Variants in PALM2AKAP2 observed in about 807,000 individuals in gnomAD.
PALM2AKAP2 encodes the protein PALM2-AKAP2 fusion protein.
Under a neutral mutation model 71.5 loss-of-function variants are expected in PALM2AKAP2, and 37 were observed. That is an observed-to-expected ratio of 0.52 (90% confidence interval 0.40 to 0.68). The LOEUF (loss-of-function observed/expected upper bound fraction) is 0.68. Among genes scored for constraint, PALM2AKAP2 ranks in the 30% least tolerant of loss-of-function variants. The probability of loss-of-function intolerance (pLI) is 0.00; values close to 1 mark genes in which losing one functional copy is unlikely to be tolerated. For missense variants in PALM2AKAP2, 1,224 were observed against 1,191.8 expected (o/e 1.03, Z -0.40); for synonymous variants, 468 against 478.8 (o/e 0.98, Z 0.29).
intron 1 of PALM2AKAP2, among the ~76,000 whole-genome samples, chr9:110,092,194 T>C (rs1834729826): frequency 6.6e-6 from 1 of 152,126 alleles, no homozygotes; most frequent in African/African-American, 2.4e-5. Flanking sequence ...TAGCCAGGTG[T>C]GGTGGTGCAT....
intron 1 of PALM2AKAP2, among the ~76,000 whole-genome samples, chr9:109,712,368 A>G (rs1245802509): frequency 6.6e-6 from 1 of 152,208 alleles, no homozygotes; most frequent in Non-Finnish European, 1.5e-5. Context: ...ACGTTTCAAC[A>G]TATTTCTTTT....
chr9:109,661,850 G>C (rs1447113988), intron 1 of PALM2AKAP2, among the ~76,000 whole-genome samples: 2 of 152,120 alleles, frequency 1.3e-5, no homozygotes, highest in Non-Finnish European at 2.9e-5. Context: ...GTTGAGCAGT[G>C]GTTTGTAATT....
At chr9:110,152,980 G>A (rs765877845) in intron 2 of PALM2AKAP2, among the ~76,000 whole-genome samples, 2 of 152,068 alleles carry the variant, frequency 1.3e-5, no homozygotes, top group Non-Finnish European at 2.9e-5. Flanking sequence ...CTCTCCTAAG[G>A]GGGTAGATAG....
At chr9:109,961,504 G>A (rs1006001626) in intron 6 of PALM2AKAP2, among the ~76,000 whole-genome samples, 1 of 140,860 alleles carries the variant, frequency 7.1e-6, no homozygotes, top group African/African-American at 2.6e-5. Context: ...TTATTGAGTG[G>A]CCACTTAGAA....
At chr9:109,830,848 G>T (rs1125416) in intron 1 of PALM2AKAP2, among the ~76,000 whole-genome samples, 1 of 152,126 alleles carries the variant, frequency 6.6e-6, no homozygotes. Flanking sequence ...CAGCATTGAC[G>T]AAGTCTACAC....
intron 1 of PALM2AKAP2, among the ~76,000 whole-genome samples, chr9:109,705,928 A>G (rs1413524529): frequency 6.6e-6 from 1 of 152,208 alleles, no homozygotes; most frequent in Non-Finnish European, 1.5e-5. Context: ...TTATGTCACT[A>G]TAATTCCCCA....
chr9:109,938,546 C>A (rs1040481069), intron 6 of PALM2AKAP2, among the ~76,000 whole-genome samples: 28 of 151,950 alleles, frequency 1.8e-4, no homozygotes, highest in South Asian at 4.2e-4. Flanking sequence ...ATTCTATGCT[C>A]ATATTCTAGG....
intron 1 of PALM2AKAP2, among the ~76,000 whole-genome samples, chr9:110,089,934 C>A (rs1249491341): frequency 1.3e-5 from 2 of 152,160 alleles, no homozygotes; most frequent in African/African-American, 2.4e-5. Flanking sequence ...ACAACAACAA[C>A]AAAAAACCAC....
At chr9:110,117,644 A>T (rs987076061) in intron 1 of PALM2AKAP2, among the ~76,000 whole-genome samples, 9 of 152,198 alleles carry the variant, frequency 5.9e-5, no homozygotes, top group African/African-American at 2.2e-4. Context: ...GAAGAAGGTC[A>T]GAGGGCAAAA....
At chr9:110,076,664 C>T (rs1210185011) in intron 1 of PALM2AKAP2, among the ~76,000 whole-genome samples, 1 of 151,706 alleles carries the variant, frequency 6.6e-6, no homozygotes, top group Non-Finnish European at 1.5e-5. Flanking sequence ...TTTCAGTTAT[C>T]TGTAATATTT....
intron 1 of PALM2AKAP2, among the ~76,000 whole-genome samples, chr9:109,687,000 C>T (rs1434840134): frequency 6.6e-6 from 1 of 152,148 alleles, no homozygotes; most frequent in Non-Finnish European, 1.5e-5. Context: ...CTACAAAGGA[C>T]ATGAACTCAT....
At chr9:110,129,819 G>A (rs1835694828) in intron 1 of PALM2AKAP2, among the ~76,000 whole-genome samples, 1 of 152,172 alleles carries the variant, frequency 6.6e-6, no homozygotes, top group Admixed American at 6.5e-5. Context: ...AGGTCTGGGT[G>A]GTTCTTGACT....
intron 1 of PALM2AKAP2, chr9:109,771,866 G>C (rs1211434517): frequency 6.6e-6 from 1 of 152,154 alleles, no homozygotes; most frequent in Non-Finnish European, 1.5e-5. Flanking sequence ...TACTTAATCC[G>C]ACCCAGAAGG....
At chr9:109,982,344 C>T (rs776285981) in intron 6 of PALM2AKAP2, among the ~76,000 whole-genome samples, 1 of 151,966 alleles carries the variant, frequency 6.6e-6, no homozygotes, top group Non-Finnish European at 1.5e-5. Flanking sequence ...TTAATAAGTA[C>T]AAAAATATGA....
chr9:109,811,897 C>T lies in PALM2AKAP2; in HGVS notation c.45+31364C>T, dbSNP rs536891508. On this transcript the variant is annotated intron_variant, in intron 1 of 9. Coordinates refer to the PALM2AKAP2 transcript ENST00000302798. Reference sequence around the variant, plus strand: ...TATATTGTATTTTCTTAAAGCAAGTCATGGTATACCTGAAAGAAACCAAAT... The same window carrying T: ...TATATTGTATTTTCTTAAAGCAAGTTATGGTATACCTGAAAGAAACCAAAT... Among the ~76,000 whole-genome samples, 4 of 152,316 alleles carry T rather than the reference C, an allele frequency of 2.6e-5. No individual in the cohort carries two copies. The South Asian group carries it at 8.3e-4, about 32-fold the overall frequency.
At chr9:109,875,163 C>T (rs1334799987) in intron 2 of PALM2AKAP2, among the ~76,000 whole-genome samples, 1 of 152,306 alleles carries the variant, frequency 6.6e-6, no homozygotes, top group Middle Eastern at 3.4e-3. Flanking sequence ...TTCCGGTCCA[C>T]AAACACACCA....
chr9:110,096,018 G>A (rs1465136756), intron 1 of PALM2AKAP2, among the ~76,000 whole-genome samples: 1 of 152,228 alleles, frequency 6.6e-6, no homozygotes, highest in Non-Finnish European at 1.5e-5. Flanking sequence ...GCATGTGTCT[G>A]AGTGAAGTGA....
chr9:109,656,118 G>A (rs558963736), intron 1 of PALM2AKAP2, among the ~76,000 whole-genome samples: 2 of 152,310 alleles, frequency 1.3e-5, no homozygotes, highest in South Asian at 4.1e-4. Context: ...AAATGGGTTA[G>A]AGTATCTGAC....
chr9:109,727,168 G>A (rs1453487643), intron 1 of PALM2AKAP2, among the ~76,000 whole-genome samples: 1 of 152,152 alleles, frequency 6.6e-6, no homozygotes, highest in Non-Finnish European at 1.5e-5. Flanking sequence ...CTGCCTCCCA[G>A]CCTCCCATTC....
Sources: allele counts gnomAD v4.1 joint callset (sites outside exome capture counted in the v4.1 genomes callset), GRCh38; gene constraint gnomAD v4.1.1; transcripts MANE v1.5; gene names NCBI Gene and HGNC (gene_info 2026-07-23, HGNC 2026-07-21).